The following RIMS1 variants were observed in gnomAD, a reference collection of about 807,000 sequenced individuals.
RIMS1 encodes regulating synaptic membrane exocytosis 1.
RIMS1 carries 83 observed loss-of-function variants against 214.1 expected under a neutral mutation model. That is an observed-to-expected ratio of 0.39 (90% CI 0.32 to 0.47). The LOEUF (loss-of-function observed/expected upper bound fraction) is 0.47. RIMS1 is among the 20% of genes least tolerant of loss of function. The probability of loss-of-function intolerance (pLI) is 0.99; values close to 1 mark genes in which losing one functional copy is unlikely to be tolerated. For missense variants in RIMS1, 2,050 were observed against 2,161.8 expected, an observed-to-expected ratio of 0.95 and a Z score of 1.03; for synonymous variants, 793 against 786.8, an observed-to-expected ratio of 1.01 and a Z score of -0.13.
chr6:72,327,705 C>G (rs932638824), intron 28 of RIMS1, among the ~76,000 whole-genome samples: 4 of 151,758 alleles, frequency 2.6e-5, no homozygotes, highest in African/African-American at 9.7e-5. Flanking sequence ...TATAGCCATC[C>G]TAGTACATTT....
chr6:72,312,252 C>A (rs939590341), intron 27 of RIMS1, among the ~76,000 whole-genome samples: 3 of 152,032 alleles, frequency 2.0e-5, no homozygotes, highest in African/African-American at 7.2e-5. Context: ...TACTTTATTT[C>A]TCATAAATCT....
chr6:72,145,856 T>G (rs1299469948), intron 4 of RIMS1, among the ~76,000 whole-genome samples: 1 of 152,210 alleles, frequency 6.6e-6, no homozygotes, highest in Non-Finnish European at 1.5e-5. Context: ...AAATGGATTC[T>G]TATTGCACTT....
At position 72,329,021 on chromosome 6, in the gene RIMS1, G is replaced by GAAACA. The variant is rs531122241; in HGVS notation, c.4131-4555_4131-4551dup. ...TCTTGCCAAGAACTGGAACCAGAAA[G>GAAACA]AAACAAAACAAAACAAAACAAAACA... On this transcript the variant is annotated intron_variant, in intron 28 of 33. Transcript: ENST00000521978. Among the ~76,000 whole-genome samples the GAAACA allele has an allele frequency of 5.8e-3, 879 of 151,610 alleles. 8 individuals carry two copies. The highest frequency in any genetic ancestry group is 0.018 in the African/African-American group (758 of 41,394).
At chr6:72,103,830 C>A (rs2034176599) in intron 4 of RIMS1, among the ~76,000 whole-genome samples, 2 of 152,110 alleles carry the variant, frequency 1.3e-5, no homozygotes, top group Admixed American at 1.3e-4. Context: ...TAGGAGCCAT[C>A]ATATTGCAAG....
chr6:72,094,618 T>A (rs2030656876), intron 2 of RIMS1, among the ~76,000 whole-genome samples: 1 of 152,212 alleles, frequency 6.6e-6, no homozygotes, highest in Non-Finnish European at 1.5e-5. Context: ...TTACATTCAT[T>A]CATTTACATA....
intron 1 of RIMS1, among the ~76,000 whole-genome samples, chr6:71,926,577 C>A (rs1194910841): frequency 2.6e-5 from 4 of 152,170 alleles, no homozygotes; most frequent in Non-Finnish European, 5.9e-5. Flanking sequence ...CAAACCCAAA[C>A]TTGTCTCTCA....
chr6:72,378,830 C>T (rs556940389), intron 29 of RIMS1, among the ~76,000 whole-genome samples: 114 of 152,162 alleles, frequency 7.5e-4, no homozygotes, highest in African/African-American at 2.5e-3. Context: ...CAGAGTGAGA[C>T]GCCGTCTCAA....
intron 26 of RIMS1, among the ~76,000 whole-genome samples, chr6:72,305,555 G>A (rs1412016612): frequency 6.6e-6 from 1 of 152,052 alleles, no homozygotes; most frequent in Non-Finnish European, 1.5e-5. Flanking sequence ...GCAAAAGACA[G>A]AGAACAGATA....
chr6:72,131,767 T>A (rs1302181411), intron 4 of RIMS1, among the ~76,000 whole-genome samples: 7 of 152,184 alleles, frequency 4.6e-5, no homozygotes, highest in African/African-American at 9.7e-5. Flanking sequence ...CTCTTCCTAA[T>A]AAGCCTGGGA....
At chr6:72,162,747 C>A (rs970471077) in intron 4 of RIMS1, among the ~76,000 whole-genome samples, 5 of 140,432 alleles carry the variant, frequency 3.6e-5, no homozygotes, top group African/African-American at 9.9e-5. Context: ...GAGTTTCTTC[C>A]AAGAGATCAG....
intron 1 of RIMS1, among the ~76,000 whole-genome samples, chr6:71,952,711 T>C (rs1301046619): frequency 6.6e-6 from 1 of 152,140 alleles, no homozygotes; most frequent in Admixed American, 6.5e-5. Flanking sequence ...GGCTAAGTAA[T>C]GATTCTGGAG....
At chr6:72,388,549 T>G (rs983517460) in intron 29 of RIMS1, among the ~76,000 whole-genome samples, 1 of 152,208 alleles carries the variant, frequency 6.6e-6, no homozygotes, top group African/African-American at 2.4e-5. Flanking sequence ...ATGGCTGTTA[T>G]GTCAAGAATA....
In RIMS1 at chr6:72,258,283, T is replaced by C; in HGVS notation, c.2927+2T>C. On this transcript the variant is annotated splice_donor_variant, in intron 17 of 33. Coordinates refer to ENST00000521978, the MANE Select transcript of RIMS1 (RefSeq NM_014989.7). LOFTEE classifies it high-confidence loss of function. Reference sequence around the variant, plus strand: ...TTTACCAAATGTGCCATTACAGAGGTAGGCTTTGAAATGGGCTCAGTGTCC... The same window carrying C: ...TTTACCAAATGTGCCATTACAGAGGCAGGCTTTGAAATGGGCTCAGTGTCC... 1 of 1,612,618 alleles carries C rather than the reference T, an allele frequency of 6.2e-7. No homozygotes were observed. The highest frequency in any genetic ancestry group is 8.5e-7 in the Non-Finnish European group (1 of 1,179,096).
chr6:71,919,375 G>A (rs1196044642), intron 1 of RIMS1, among the ~76,000 whole-genome samples: 4 of 151,884 alleles, frequency 2.6e-5, no homozygotes, highest in Non-Finnish European at 4.4e-5. Context: ...GGAGAGCATG[G>A]TATAATAAAT....
intron 29 of RIMS1, among the ~76,000 whole-genome samples, chr6:72,352,836 G>A (rs1485070905): frequency 1.3e-5 from 2 of 151,990 alleles, no homozygotes; most frequent in African/African-American, 2.4e-5. Flanking sequence ...GATGGGACCC[G>A]AGAAATAAAA....
chr6:71,968,875 T>G (rs1324897785), intron 1 of RIMS1, 108 bp from the exon 2 acceptor site: 1 of 1,143,412 alleles, frequency 8.7e-7, no homozygotes, highest in Non-Finnish European at 1.3e-6. Flanking sequence ...TGAAGGGGCT[T>G]TCAAAGACTT....
At position 71,993,254 on chromosome 6, in the gene RIMS1, A is replaced by G. The variant is rs1015279429; in HGVS notation, c.245+24191A>G. Among the ~76,000 whole-genome samples, 4 of 152,204 alleles carry G rather than the reference A, an allele frequency of 2.6e-5. No homozygotes were observed. The East Asian group carries it at 7.7e-4, about 29-fold the overall frequency. On this transcript the variant is annotated intron_variant, in intron 2 of 33. Coordinates refer to ENST00000521978, the MANE Select transcript of RIMS1 (RefSeq NM_014989.7). ...GAAGACTGTTTTGTCTACAGGTCCCAGACAGTAACTGGCCACAAAGTCTCT... is the reference window on the plus strand; with the variant it reads ...GAAGACTGTTTTGTCTACAGGTCCCGGACAGTAACTGGCCACAAAGTCTCT...
chr6:72,374,586 T>A (rs1285433081), intron 29 of RIMS1, among the ~76,000 whole-genome samples: 1 of 152,168 alleles, frequency 6.6e-6, no homozygotes, highest in Non-Finnish European at 1.5e-5. Context: ...CTAGAGTAGA[T>A]CTCAGTGCCA....
chr6:71,899,751 C>A (rs1211330051), intron 1 of RIMS1, among the ~76,000 whole-genome samples: 1 of 152,116 alleles, frequency 6.6e-6, no homozygotes, highest in Non-Finnish European at 1.5e-5. Flanking sequence ...ATGATCCCAA[C>A]ATGGCTGTAG....
Sources: allele counts gnomAD v4.1 joint callset (sites outside exome capture counted in the v4.1 genomes callset), GRCh38; gene constraint gnomAD v4.1.1; transcripts MANE v1.5; gene names NCBI Gene and HGNC (gene_info 2026-07-23, HGNC 2026-07-21).